The following COG5 variants were observed in gnomAD, a reference collection of about 807,000 sequenced individuals.
COG5 encodes conserved oligomeric Golgi complex subunit 5.
Under a neutral mutation model 110.4 loss-of-function variants are expected in COG5, and 86 were observed. The observed-to-expected ratio is 0.78, with a 90% CI of 0.65 to 0.93. The LOEUF (loss-of-function observed/expected upper bound fraction) is 0.93. Ranked by LOEUF, COG5 falls within the 40% of genes least tolerant of loss-of-function variation. The pLI, the probability that COG5 is intolerant of heterozygous loss-of-function variation, is 0.00. For synonymous variants in COG5, 360 were observed against 334.6 expected, an observed-to-expected ratio of 1.08 and a Z score of -0.83; for missense variants, 1,077 against 987.0, an observed-to-expected ratio of 1.09 and a Z score of -1.22.
intron 10 of COG5, among the ~76,000 whole-genome samples, chr7:107,328,252 G>A (rs888054556): frequency 2.0e-5 from 3 of 152,130 alleles, no homozygotes; most frequent in Non-Finnish European, 4.4e-5. Context: ...ACTTGTACAT[G>A]TCATTGTAAT....
At chr7:107,284,556 T>C (rs1186564496) in intron 12 of COG5, among the ~76,000 whole-genome samples, 1 of 152,142 alleles carries the variant, frequency 6.6e-6, no homozygotes, top group Non-Finnish European at 1.5e-5. Context: ...TGAGACAAAA[T>C]AAAAAGTATT....
intron 6 of COG5, among the ~76,000 whole-genome samples, chr7:107,444,338 G>C (rs189251318): frequency 1.2e-3 from 184 of 152,208 alleles, no homozygotes; most frequent in Non-Finnish European, 2.1e-3. Flanking sequence ...TTTTTACAGA[G>C]TTTAAATTAT....
chr7:107,487,051 C>T (rs2712195), intron 6 of COG5, among the ~76,000 whole-genome samples: 32,209 of 151,804 alleles, frequency 0.21, 3,613 homozygotes, highest in East Asian at 0.33. Context: ...TGGTGAGGAA[C>T]CAAATAAATC....
In COG5 at chr7:107,298,218, T is replaced by C. The variant is rs1033213070; in HGVS notation, c.1237A>G (p.Thr413Ala). The C allele has an allele frequency of 6.2e-6, 10 of 1,613,662 alleles. No homozygotes were observed. The highest frequency in any genetic ancestry group is 3.3e-5 in the Admixed American group (2 of 59,998). Residue 413 changes from threonine (T) to alanine (A), a missense_variant, in exon 12 of 22, where the codon ACA becomes GCA. Thr to Ala is a moderately conservative substitution (Grantham distance 58, BLOSUM62 0). Coordinates refer to ENST00000297135, the MANE Select transcript of COG5 (RefSeq NM_006348.5). ...IQGNFNASGTTDLYVDLQHME... is the reference protein window; with the variant it reads ...IQGNFNASGTADLYVDLQHME... ...TGTTGTAGGTCAACATAGAGGTCTG[T>C]AGTTCCACTTGCATTAAAATTCCCT...
intron 21 of COG5, among the ~76,000 whole-genome samples, chr7:107,205,514 T>G (rs933032128): frequency 6.6e-6 from 1 of 152,208 alleles, no homozygotes; most frequent in Non-Finnish European, 1.5e-5. Flanking sequence ...TCAAGGGTGT[T>G]TGTTCATACA....
intron 10 of COG5, among the ~76,000 whole-genome samples, chr7:107,330,169 A>G (rs1269142783): frequency 6.6e-6 from 1 of 152,236 alleles, no homozygotes. Flanking sequence ...TCACGTTATC[A>G]GATCAATTCA....
chr7:107,291,672 T>C lies in COG5; in HGVS notation c.1313+6470A>G, dbSNP rs976203811. Among the ~76,000 whole-genome samples the C allele has an allele frequency of 5.3e-5, 8 of 152,216 alleles. No individual in the cohort carries two copies. In the South Asian group the frequency reaches 8.3e-4, roughly 16 times the overall value. ...ACTGACTGCTCTACATTTTCAACAATGCCTTGAGGCAAAAACTCCTCTACA... is the reference window on the plus strand; with the variant it reads ...ACTGACTGCTCTACATTTTCAACAACGCCTTGAGGCAAAAACTCCTCTACA... On this transcript the variant is annotated intron_variant, in intron 12 of 21. Transcript: ENST00000297135.
chr7:107,388,012 CA>C (rs1414801445), intron 7 of COG5, among the ~76,000 whole-genome samples: 2 of 152,226 alleles, frequency 1.3e-5, no homozygotes, highest in African/African-American at 4.8e-5. Context: ...TGGTAATAAT[CA>C]AGCAGACCTT....
chr7:107,518,947 T>A (rs1453015596), intron 6 of COG5, among the ~76,000 whole-genome samples: 1 of 152,142 alleles, frequency 6.6e-6, no homozygotes, highest in Non-Finnish European at 1.5e-5. Flanking sequence ...ATGGAAATCA[T>A]AACAAACAGT....
intron 19 of COG5, 26 bp downstream of exon 19, chr7:107,230,589 T>C (rs757700152): frequency 2.6e-6 from 4 of 1,520,562 alleles, no homozygotes; most frequent in South Asian, 1.1e-5. Flanking sequence ...AGGATATGAA[T>C]GTATGAACAA....
chr7:107,297,573 C>T (rs1305216267), intron 12 of COG5, among the ~76,000 whole-genome samples: 1 of 151,018 alleles, frequency 6.6e-6, no homozygotes, highest in Non-Finnish European at 1.5e-5. Flanking sequence ...CTCAGTCTCC[C>T]GAGTAGATGG....
At chr7:107,541,878 C>T (rs527437081) in intron 5 of COG5, among the ~76,000 whole-genome samples, 8 of 147,016 alleles carry the variant, frequency 5.4e-5, no homozygotes, top group South Asian at 2.2e-4. Flanking sequence ...TGCAGTGAGC[C>T]GAGATGGTGC....
intron 11 of COG5, among the ~76,000 whole-genome samples, chr7:107,310,051 TAAC>T (rs1808087725): frequency 6.6e-6 from 1 of 152,212 alleles, no homozygotes; most frequent in Non-Finnish European, 1.5e-5. Context: ...ATTTTTAACT[TAAC>T]AATCTTGACC....
chr7:107,554,414 G>C (rs1803147528), intron 2 of COG5, 72 bp from the exon 3 acceptor site: 1 of 1,294,042 alleles, frequency 7.7e-7, no homozygotes, highest in Admixed American at 1.7e-5. Flanking sequence ...ATGTAGAATG[G>C]ACAGTCTCTC....
At chr7:107,270,677 CA>C (rs1332298920) in intron 14 of COG5, among the ~76,000 whole-genome samples, 2 of 151,956 alleles carry the variant, frequency 1.3e-5, no homozygotes, top group African/African-American at 4.8e-5. Context: ...TCCAAACTTC[CA>C]AAATATATAC....
chr7:107,513,815 A>G lies in COG5; in HGVS notation c.538+13422T>C, dbSNP rs573771918. Among the ~76,000 whole-genome samples the G allele has an allele frequency of 2.4e-4, 37 of 151,770 alleles. 1 individual carries two copies. Among genetic ancestry groups the G allele is most frequent in the East Asian group, 7.8e-4 (4 of 5,138 alleles). On this transcript the variant is annotated intron_variant, in intron 6 of 21. Coordinates refer to ENST00000297135, the MANE Select transcript of COG5 (RefSeq NM_006348.5). ...TTGCAAGGACAAAAAACCAAACACC[A>G]TATCTTCTCACTGATAGGTGGGAAC...
rs138220063 is a variant in COG5 at position 107,342,299 on chromosome 7, C to T, written c.1027-17778G>A. ...TCAACATTCGATCATTAGAGAAATG[C>T]AAATCAAAACCACAATGAGATAACA... On this transcript the variant is annotated intron_variant, in intron 10 of 21. Coordinates refer to ENST00000297135, the MANE Select transcript of COG5 (RefSeq NM_006348.5). Among the ~76,000 whole-genome samples the T allele has an allele frequency of 4.2e-3, 563 of 132,962 alleles. 3 individuals carry two copies. Among genetic ancestry groups the T allele is most frequent in the African/African-American group, 0.015 (534 of 35,728 alleles). The allele number at this position is 132,962 out of a possible 152,430, so 87.2% of individuals were successfully genotyped here. A position where few individuals can be genotyped will look rare whatever the true frequency, so the allele number is the denominator to read the frequency against.
At position 107,236,609 on chromosome 7, in the gene COG5, A is replaced by G. The variant is rs908292875; in HGVS notation, c.1932T>C (p.Val644=). 1.9e-6 allele frequency: 3 copies of G among 1,614,140 alleles called. No individual in the cohort carries two copies. Among genetic ancestry groups the G allele is most frequent in the Non-Finnish European group, 1.7e-6 (2 of 1,180,016 alleles). The change falls in exon 18 of 22, where the codon GTT becomes GTC. Residue 644 remains valine, a synonymous_variant. Coordinates refer to ENST00000297135, the MANE Select transcript of COG5 (RefSeq NM_006348.5). ...MKELQGFIAR[V]MSDYFKHFEC... ...CAAAGTGTTTAAAATAGTCACTCAT[A>G]ACTCTGGCAATGAAACCTTGTAGCT...
intron 18 of COG5, among the ~76,000 whole-genome samples, chr7:107,235,944 GAGA>G (rs1801153336): frequency 6.6e-6 from 1 of 152,160 alleles, no homozygotes; most frequent in Admixed American, 6.5e-5. Flanking sequence ...GCTAGCCACA[GAGA>G]AGAACTGTAC....
Sources: allele counts gnomAD v4.1 joint callset (sites outside exome capture counted in the v4.1 genomes callset), GRCh38; gene constraint gnomAD v4.1.1; transcripts MANE v1.5; gene names NCBI Gene and HGNC (gene_info 2026-07-23, HGNC 2026-07-21).